CRADD: variants seen among roughly 807,000 people sequenced by gnomAD.
CRADD encodes CARD and death domain containing adaptor protein.
CRADD carries 9 observed loss-of-function variants against 15.5 expected under a neutral mutation model. The ratio of observed to expected loss-of-function variants is 0.58; its 90% CI spans 0.35 to 1.01. The LOEUF (loss-of-function observed/expected upper bound fraction) is 1.01, where lower values mean the gene tolerates loss of function less well. Among genes scored for constraint, CRADD ranks in the 50% least tolerant of loss-of-function variants. The probability of loss-of-function intolerance (pLI) is 0.02; values close to 1 mark genes in which losing one functional copy is unlikely to be tolerated. For missense variants in CRADD, 227 were observed against 250.3 expected, an observed-to-expected ratio of 0.91 and a Z score of 0.63; for synonymous variants, 118 against 107.6, an observed-to-expected ratio of 1.10 and a Z score of -0.60.
intron 2 of CRADD, among the ~76,000 whole-genome samples, chr12:93,792,535 T>C (rs761295883): frequency 6.6e-6 from 1 of 152,316 alleles, no homozygotes; most frequent in East Asian, 1.9e-4. Flanking sequence ...ATTTCAGTCA[T>C]ATTCATGATT....
chr12:93,728,800 T>G (rs1592936799), intron 2 of CRADD, among the ~76,000 whole-genome samples: 1 of 152,234 alleles, frequency 6.6e-6, no homozygotes, highest in African/African-American at 2.4e-5. Flanking sequence ...AAAAGGATAA[T>G]ATATCATTAC....
At chr12:93,801,066 CTT>C (rs1411251751) in intron 2 of CRADD, among the ~76,000 whole-genome samples, 2 of 152,142 alleles carry the variant, frequency 1.3e-5, no homozygotes, top group Non-Finnish European at 2.9e-5. Context: ...GCAAGAATAT[CTT>C]TTATTGGTGG....
At chr12:93,847,279 C>T (rs988919633) in intron 2 of CRADD, among the ~76,000 whole-genome samples, 2 of 151,046 alleles carry the variant, frequency 1.3e-5, no homozygotes, top group African/African-American at 2.4e-5. Context: ...CCATAAAGTA[C>T]GAACAAGGTC....
chr12:93,885,148 G>C (rs1958527371), intron 2 of CRADD, among the ~76,000 whole-genome samples: 1 of 152,186 alleles, frequency 6.6e-6, no homozygotes, highest in Non-Finnish European at 1.5e-5. Flanking sequence ...CTGAAGTTTG[G>C]TGAGGCCTGT....
chr12:93,751,541 C>T (rs988103943), intron 2 of CRADD, among the ~76,000 whole-genome samples: 1 of 152,186 alleles, frequency 6.6e-6, no homozygotes, highest in East Asian at 1.9e-4. Context: ...GTACTGACCT[C>T]AATCAGGGTT....
chr12:93,723,406 C>T (rs1956299342), intron 2 of CRADD, among the ~76,000 whole-genome samples: 1 of 152,166 alleles, frequency 6.6e-6, no homozygotes, highest in South Asian at 2.1e-4. Flanking sequence ...TGGTGCCACC[C>T]AGACTGGTAA....
At chr12:93,811,504 A>G (rs977802363) in intron 2 of CRADD, among the ~76,000 whole-genome samples, 1 of 152,220 alleles carries the variant, frequency 6.6e-6, no homozygotes, top group Admixed American at 6.5e-5. Flanking sequence ...GATGCAGTGT[A>G]GTGTAGCAGG....
intron 2 of CRADD, among the ~76,000 whole-genome samples, chr12:93,762,985 G>T (rs1956984796): frequency 6.6e-6 from 1 of 152,138 alleles, no homozygotes; most frequent in African/African-American, 2.4e-5. Flanking sequence ...TTGGAGTATT[G>T]GTGGCTAAAA....
At chr12:93,844,796 C>T (rs1047231803) in intron 2 of CRADD, among the ~76,000 whole-genome samples, 1 of 152,114 alleles carries the variant, frequency 6.6e-6, no homozygotes, top group African/African-American at 2.4e-5. Context: ...AAAACAATTA[C>T]AGCTTTATTT....
rs78681819 is a variant in CRADD at position 93,809,265 on chromosome 12, G to A, written c.299-40705G>A. Among the ~76,000 whole-genome samples, 1,477 of 152,258 alleles carry A rather than the reference G, an allele frequency of 9.7e-3. 26 individuals are homozygous for A. Among genetic ancestry groups the A allele is most frequent in the African/African-American group, 0.034 (1,416 of 41,536 alleles). ...ATTCATATGTGTTTTAATATAAAAT[G>A]TTTATCATTTAAATGGATTCTCCAG... is the stretch of plus-strand genomic sequence containing the variant. On this transcript the variant is annotated intron_variant, in intron 2 of 2. Coordinates refer to ENST00000332896, the MANE Select transcript of CRADD (RefSeq NM_003805.5).
At chr12:93,879,728 C>A (rs1463914874) in intron 2 of CRADD, among the ~76,000 whole-genome samples, 8 of 152,178 alleles carry the variant, frequency 5.3e-5, no homozygotes, top group African/African-American at 1.7e-4. Flanking sequence ...TTCTCTCTGG[C>A]CCTAGTTCTT....
At chr12:93,826,549 T>C (rs903933613) in intron 2 of CRADD, among the ~76,000 whole-genome samples, 1 of 152,242 alleles carries the variant, frequency 6.6e-6, no homozygotes, top group South Asian at 2.1e-4. Context: ...AGCCTAGGGG[T>C]GTGTTTCTGT....
At chr12:93,725,009 C>T (rs1037070771) in intron 2 of CRADD, among the ~76,000 whole-genome samples, 1 of 152,060 alleles carries the variant, frequency 6.6e-6, no homozygotes, top group Non-Finnish European at 1.5e-5. Flanking sequence ...TTCAGGCACC[C>T]GCCACCACGC....
rs781079767 is a variant in CRADD at position 93,824,012 on chromosome 12, T to C, written c.299-25958T>C. 2.2e-4 allele frequency among the ~76,000 whole-genome samples: 33 copies of C among 152,186 alleles called. No individual in the cohort carries two copies. The highest frequency in any genetic ancestry group is 3.8e-4 in the Non-Finnish European group (26 of 68,016). On this transcript the variant is annotated intron_variant, in intron 2 of 2. Coordinates refer to ENST00000332896, the MANE Select transcript of CRADD (RefSeq NM_003805.5). This position sits in a 1 kb window ranked among gnomAD's most constrained non-coding sequence, Gnocchi z 4.3. ...GACCCAAACTGACAAAATAATGAAA[T>C]ACATGGCGTTTCCCCAGTGAATGGA...
chr12:93,788,373 G>C (rs1957304965), intron 2 of CRADD, among the ~76,000 whole-genome samples: 1 of 152,058 alleles, frequency 6.6e-6, no homozygotes, highest in South Asian at 2.1e-4. Flanking sequence ...TCTCCACCTT[G>C]TCCCTCTCAT....
At chr12:93,850,766 TG>T, downstream of CRADD, 1 of 981,430 alleles carries the variant, frequency 1.0e-6, no homozygotes, top group Non-Finnish European at 1.2e-6. This position sits in a 1 kb window ranked among gnomAD's most constrained non-coding sequence, Gnocchi z 4.0. Flanking sequence ...AGTACCGTGT[TG>T]GGTTTTTTTT....
chr12:93,887,381 G>A (rs1236993148), intron 2 of CRADD, among the ~76,000 whole-genome samples: 1 of 152,206 alleles, frequency 6.6e-6, no homozygotes, highest in African/African-American at 2.4e-5. Context: ...GCTAACGAGT[G>A]GAGGGTAAGG....
chr12:93,696,972 G>C (rs1362725331), intron 2 of CRADD, among the ~76,000 whole-genome samples: 3 of 152,210 alleles, frequency 2.0e-5, no homozygotes, highest in Non-Finnish European at 4.4e-5. Context: ...TTGGGTGGTA[G>C]TGGGGGCCTG....
intron 2 of CRADD, among the ~76,000 whole-genome samples, chr12:93,719,110 GT>G (rs1176204291): frequency 6.6e-6 from 1 of 152,086 alleles, no homozygotes; most frequent in Admixed American, 6.6e-5. Context: ...TTAAAAATAT[GT>G]TTTTTATCAA....
Sources: allele counts gnomAD v4.1 joint callset (sites outside exome capture counted in the v4.1 genomes callset), GRCh38; gene constraint gnomAD v4.1.1; non-coding constraint Gnocchi (gnomAD v3.1); transcripts MANE v1.5; gene names NCBI Gene and HGNC (gene_info 2026-07-23, HGNC 2026-07-21).